Variants in SHISA9 observed in about 807,000 individuals in gnomAD.
The protein encoded by SHISA9 is shisa family member 9.
SHISA9 carries 13 observed loss-of-function variants against 38.0 expected under a neutral mutation model. The ratio of observed to expected loss-of-function variants is 0.34; its 90% CI spans 0.22 to 0.54. The LOEUF (loss-of-function observed/expected upper bound fraction) is 0.54. SHISA9 is among the 20% of genes least tolerant of loss of function. SHISA9 has a pLI of 0.91. For missense variants in SHISA9, 538 were observed against 575.8 expected (o/e 0.93, Z 0.67); for synonymous variants, 275 against 242.0 (o/e 1.14, Z -1.27).
chr16:13,303,295 T>C, the SHISA9 span, among the ~76,000 whole-genome samples: 1 of 152,190 alleles, frequency 6.6e-6, no homozygotes, highest in Non-Finnish European at 1.5e-5. Context: ...ACAGCTGTAT[T>C]CACAATGGGC....
the SHISA9 span, among the ~76,000 whole-genome samples, chr16:13,420,884 T>C: frequency 6.6e-6 from 1 of 152,200 alleles, no homozygotes; most frequent in Non-Finnish European, 1.5e-5. Flanking sequence ...TCCTCTCACG[T>C]AGACATTGAT....
intron 2 of SHISA9, among the ~76,000 whole-genome samples, chr16:13,008,536 C>T (rs1411684492): frequency 6.6e-6 from 1 of 152,018 alleles, no homozygotes; most frequent in Non-Finnish European, 1.5e-5. Flanking sequence ...CCCATGCTGT[C>T]CTCATGATAG....
chr16:13,358,557 C>T, the SHISA9 span, among the ~76,000 whole-genome samples: 27 of 152,308 alleles, frequency 1.8e-4, no homozygotes, highest in African/African-American at 6.5e-4. Flanking sequence ...TCCTCTATCT[C>T]TTCCCATTTC....
At chr16:13,352,719 G>A in the SHISA9 span, among the ~76,000 whole-genome samples, 8 of 118,198 alleles carry the variant, frequency 6.8e-5, no homozygotes, top group Middle Eastern at 4.3e-3. Context: ...GGGGCGGGGC[G>A]TTTTATAGGA....
At chr16:13,423,964 C>G in the SHISA9 span, among the ~76,000 whole-genome samples, 1 of 152,184 alleles carries the variant, frequency 6.6e-6, no homozygotes, top group Admixed American at 6.5e-5. Context: ...TCAGGAAGAG[C>G]TCTGTCCCTT....
chr16:13,039,494 T>G (rs9746923), intron 2 of SHISA9, among the ~76,000 whole-genome samples: 1 of 147,654 alleles, frequency 6.8e-6, no homozygotes. Context: ...GGTTTTTTTT[T>G]TTTTTTTTTT....
At chr16:13,339,167 T>TG in the SHISA9 span, among the ~76,000 whole-genome samples, 1 of 149,848 alleles carries the variant, frequency 6.7e-6, no homozygotes, top group Non-Finnish European at 1.5e-5. Context: ...TATTGTGACT[T>TG]TTTTTTTTTT....
intron 2 of SHISA9, among the ~76,000 whole-genome samples, chr16:13,137,875 C>T (rs1008664366): frequency 1.3e-5 from 2 of 152,178 alleles, no homozygotes; most frequent in Non-Finnish European, 2.9e-5. Context: ...GTTTCTTTGC[C>T]TGAAATGCCA....
intron 2 of SHISA9, among the ~76,000 whole-genome samples, chr16:13,054,263 T>C (rs924411056): frequency 6.6e-6 from 1 of 152,182 alleles, no homozygotes; most frequent in African/African-American, 2.4e-5. Context: ...GGGATAACGA[T>C]GATCTTCACC....
At chr16:12,917,554 G>T (rs760084583) in intron 2 of SHISA9, among the ~76,000 whole-genome samples, 2 of 152,104 alleles carry the variant, frequency 1.3e-5, no homozygotes, top group African/African-American at 2.4e-5. Context: ...CCTTTCAAAG[G>T]TCTGTATATA....
intron 2 of SHISA9, among the ~76,000 whole-genome samples, chr16:12,926,984 C>T (rs1349005451): frequency 1.3e-5 from 2 of 152,110 alleles, no homozygotes; most frequent in Non-Finnish European, 2.9e-5. Context: ...CCAGGTCGGC[C>T]ATGGGAGGAC....
chr16:13,234,861 T>C (rs2051365674), intron 4 of SHISA9, among the ~76,000 whole-genome samples, 169 bp from the exon 5 acceptor site: 1 of 151,994 alleles, frequency 6.6e-6, no homozygotes, highest in Admixed American at 6.6e-5. Context: ...GGTGCTGCCC[T>C]TCCCTCTGTC....
At chr16:13,414,656 T>TTTTC in the SHISA9 span, among the ~76,000 whole-genome samples, 1 of 149,506 alleles carries the variant, frequency 6.7e-6, no homozygotes, top group East Asian at 1.9e-4. Context: ...CTTTCTTTTT[T>TTTTC]TTTTTTCAGA....
chr16:13,168,479 A>G (rs1432966034), intron 2 of SHISA9, among the ~76,000 whole-genome samples: 4 of 152,106 alleles, frequency 2.6e-5, no homozygotes, highest in Non-Finnish European at 5.9e-5. Context: ...ATATAATCAC[A>G]TGGTCCATGT....
At chr16:13,446,356 C>T in the SHISA9 span, among the ~76,000 whole-genome samples, 2 of 152,134 alleles carry the variant, frequency 1.3e-5, no homozygotes, top group African/African-American at 2.4e-5. Context: ...CCCTAATATG[C>T]ATTTGACACT....
the SHISA9 span, among the ~76,000 whole-genome samples, chr16:13,559,876 C>G: frequency 6.6e-6 from 1 of 152,154 alleles, no homozygotes; most frequent in Non-Finnish European, 1.5e-5. Context: ...CAGACTGCAC[C>G]TTCAGCTAAA....
chr16:13,257,148 A>G, the SHISA9 span, among the ~76,000 whole-genome samples: 4 of 152,128 alleles, frequency 2.6e-5, no homozygotes. Context: ...TTTCCCTTAC[A>G]TTCTTTCTCA....
At chr16:13,338,841 A>G in the SHISA9 span, among the ~76,000 whole-genome samples, 1 of 152,212 alleles carries the variant, frequency 6.6e-6, no homozygotes, top group Admixed American at 6.5e-5. Context: ...TGGAAGAACA[A>G]ATGGCACAAT....
intron 2 of SHISA9, among the ~76,000 whole-genome samples, chr16:13,110,168 C>G (rs1451428475): frequency 1.3e-5 from 2 of 152,224 alleles, no homozygotes; most frequent in African/African-American, 4.8e-5. Flanking sequence ...GCCCTCCACA[C>G]ATGGCTGCAA....
Sources: gnomAD v4.1 joint callset for allele counts (sites outside exome capture counted in the v4.1 genomes callset) on GRCh38, gnomAD v4.1.1 for gene constraint, MANE v1.5 for transcripts, NCBI Gene and HGNC (gene_info 2026-07-23, HGNC 2026-07-21) for gene names.